NR2C2: variants seen among roughly 807,000 people sequenced by gnomAD.
NR2C2 encodes the protein nuclear receptor subfamily 2 group C member 2, also known as Nuclear hormone receptor TR4.
A neutral mutation model predicts 62.9 loss-of-function variants in NR2C2; 6 were observed. The ratio of observed to expected loss-of-function variants is 0.10; its 90% CI spans 0.05 to 0.19. NR2C2 has a LOEUF of 0.19. Ranked by LOEUF, NR2C2 falls within the 10% of genes least tolerant of loss-of-function variation. The pLI is 1.00. For missense variants in NR2C2, 479 were observed against 762.7 expected, an observed-to-expected ratio of 0.63 and a Z score of 4.38; for synonymous variants, 272 against 273.8, an observed-to-expected ratio of 0.99 and a Z score of 0.07.
chr3:15,019,883 A>G (rs1302200848), intron 4 of NR2C2, among the ~76,000 whole-genome samples: 2 of 152,206 alleles, frequency 1.3e-5, no homozygotes, highest in Non-Finnish European at 2.9e-5. Context: ...TATATATTAT[A>G]AAATACCTAG....
At chr3:14,957,247 C>T (rs558736432) in intron 1 of NR2C2, among the ~76,000 whole-genome samples, 1 of 151,894 alleles carries the variant, frequency 6.6e-6, no homozygotes, top group South Asian at 2.1e-4. Context: ...GGAAAGGCAG[C>T]CTCACTCATT....
intron 1 of NR2C2, among the ~76,000 whole-genome samples, chr3:14,998,827 A>G (rs768434823): frequency 1.3e-5 from 2 of 152,268 alleles, no homozygotes; most frequent in Non-Finnish European, 2.9e-5. Context: ...CCTGGGCAAC[A>G]TAGGGAGACC....
intron 2 of NR2C2, among the ~76,000 whole-genome samples, chr3:15,010,472 G>C (rs2124970577): frequency 6.6e-6 from 1 of 152,120 alleles, no homozygotes; most frequent in Admixed American, 6.5e-5. Context: ...TAAACTCCTT[G>C]GGAGGCGAAG....
At chr3:15,023,482 C>G (rs1444567116) in intron 6 of NR2C2, 135 bp downstream of exon 6, 6 of 969,138 alleles carry the variant, frequency 6.2e-6, no homozygotes, top group Non-Finnish European at 9.3e-6. Context: ...AATTCTGCCC[C>G]TTCTGGAGCT....
Position 15,034,824 on chromosome 3 carries a change from C to T in NR2C2, c.1372+15C>T. The T allele has an allele frequency of 6.2e-7, 1 of 1,604,436 alleles. No homozygotes were observed. Among genetic ancestry groups the T allele is most frequent in the Middle Eastern group, 1.7e-4 (1 of 5,856 alleles). ...CATCCAGGAAGGTAGGGCACAGGGACTTGGGGCTGGGGTGTGTCTTGGTTC... is the reference window on the plus strand; with the variant it reads ...CATCCAGGAAGGTAGGGCACAGGGATTTGGGGCTGGGGTGTGTCTTGGTTC... On this transcript the variant is annotated intron_variant, in intron 11 of 13. Coordinates refer to ENST00000425241, the MANE Select transcript of NR2C2 (RefSeq NM_001291694.2).
intron 4 of NR2C2, 57 bp downstream of exon 4, chr3:15,016,311 G>A: frequency 7.9e-7 from 1 of 1,258,796 alleles, no homozygotes; most frequent in Non-Finnish European, 1.2e-6. Context: ...TGAAGTAACT[G>A]TTGTGAGGTG....
chr3:15,013,916 C>T lies in NR2C2; in HGVS notation c.273+127C>T, dbSNP rs183156641. ...GTTCCTTGGGGACCTGCAAACATGGCAGGTTGCTGCTTTGGCCAAAGTAAT... is the reference window on the plus strand; with the variant it reads ...GTTCCTTGGGGACCTGCAAACATGGTAGGTTGCTGCTTTGGCCAAAGTAAT... On this transcript the variant is annotated intron_variant, in intron 3 of 13. Transcript: ENST00000425241. 3.7e-4 allele frequency: 354 copies of T among 958,090 alleles called. 4 individuals are homozygous for T. The East Asian group carries it at 9.2e-3, about 25-fold the overall frequency. 59.3% of individuals were successfully genotyped at this position (958,090 alleles called of 1,614,324 possible). A position where few individuals can be genotyped will look rare whatever the true frequency, so the allele number is the denominator to read the frequency against.
chr3:15,002,643 TA>T (rs2041045254), intron 1 of NR2C2, among the ~76,000 whole-genome samples: 7 of 123,034 alleles, frequency 5.7e-5, no homozygotes, highest in African/African-American at 2.1e-4. Flanking sequence ...GTTCACAATA[TA>T]CTTTTTTTTT....
At chr3:14,989,545 AGTGCTTT>A in intron 1 of NR2C2, among the ~76,000 whole-genome samples, 1 of 152,254 alleles carries the variant, frequency 6.6e-6, no homozygotes, top group Middle Eastern at 3.4e-3. Flanking sequence ...CTGTAATTCC[AGTGCTTT>A]GAGAGGCCCA....
intron 1 of NR2C2, among the ~76,000 whole-genome samples, chr3:14,961,810 G>A (rs2039694974): frequency 6.6e-6 from 1 of 152,156 alleles, no homozygotes; most frequent in Non-Finnish European, 1.5e-5. Context: ...ATTTAATGAG[G>A]ACTTAATATA....
chr3:15,036,294 A>G (rs1478238027), intron 11 of NR2C2, among the ~76,000 whole-genome samples: 2 of 152,020 alleles, frequency 1.3e-5, no homozygotes, highest in African/African-American at 4.8e-5. Context: ...TGAACAAACA[A>G]CTTTTCTAGT....
intron 1 of NR2C2, among the ~76,000 whole-genome samples, chr3:14,997,926 A>G (rs1233131702): frequency 2.6e-5 from 4 of 152,152 alleles, no homozygotes; most frequent in Non-Finnish European, 5.9e-5. Context: ...TAAAAAACCC[A>G]CATCTCTTAG....
chr3:15,018,094 A>G (rs1455078374), intron 4 of NR2C2, among the ~76,000 whole-genome samples: 4 of 151,860 alleles, frequency 2.6e-5, no homozygotes, highest in Non-Finnish European at 4.4e-5. Flanking sequence ...TGCCTCCCAG[A>G]TTCAAGCAAT....
chr3:15,035,331 T>C (rs2042078794), intron 11 of NR2C2, among the ~76,000 whole-genome samples: 1 of 152,208 alleles, frequency 6.6e-6, no homozygotes, highest in Non-Finnish European at 1.5e-5. Context: ...AGTCAGAATA[T>C]GTAAATTTCT....
intron 1 of NR2C2, among the ~76,000 whole-genome samples, chr3:14,951,811 G>A (rs1257439965): frequency 1.3e-5 from 2 of 151,926 alleles, no homozygotes; most frequent in East Asian, 1.9e-4. Context: ...GCAGTGGTGC[G>A]ATCTCGGCTC....
At chr3:14,950,966 CAT>C (rs1337942863) in intron 1 of NR2C2, among the ~76,000 whole-genome samples, 1 of 152,198 alleles carries the variant, frequency 6.6e-6, no homozygotes, top group Non-Finnish European at 1.5e-5. Context: ...TTTCTGGAGA[CAT>C]AAATATGGAT....
At chr3:14,969,477 G>C (rs1406269071) in intron 1 of NR2C2, among the ~76,000 whole-genome samples, 1 of 152,094 alleles carries the variant, frequency 6.6e-6, no homozygotes, top group East Asian at 1.9e-4. Context: ...TCCTGACCTT[G>C]TGATTCACCC....
At chr3:14,986,856 C>T (rs1347667297) in intron 1 of NR2C2, among the ~76,000 whole-genome samples, 4 of 152,184 alleles carry the variant, frequency 2.6e-5, no homozygotes, top group African/African-American at 7.2e-5. Flanking sequence ...GCCACCCAAA[C>T]GTGAACGTAA....
intron 1 of NR2C2, among the ~76,000 whole-genome samples, chr3:15,002,676 G>GTCTCAAAAAAAAAAAAAAAAAAAAAA (rs2041049625): frequency 9.5e-5 from 1 of 10,496 alleles, no homozygotes; most frequent in Non-Finnish European, 2.2e-4. Context: ...TTTTTTTTTT[G>GTCTCAAAAAAAAAAAAAAAAAAAAAA]AGACAAAGTT....
Sources: gnomAD v4.1 joint callset for allele counts (sites outside exome capture counted in the v4.1 genomes callset) on GRCh38, gnomAD v4.1.1 for gene constraint, MANE v1.5 for transcripts, NCBI Gene and HGNC (gene_info 2026-07-23, HGNC 2026-07-21) for gene names.